Variants in SLC4A4 observed in about 807,000 individuals in gnomAD.
The protein encoded by SLC4A4 is solute carrier family 4 member 4.
SLC4A4 carries 27 observed loss-of-function variants against 111.5 expected under a neutral mutation model. The observed-to-expected ratio is 0.24, with a 90% CI of 0.18 to 0.33. SLC4A4 has a LOEUF of 0.33. SLC4A4 is among the 10% of genes least tolerant of loss of function. The pLI, the probability that SLC4A4 is intolerant of heterozygous loss-of-function variation, is 1.00. For synonymous variants in SLC4A4, 443 were observed against 463.4 expected, an observed-to-expected ratio of 0.96 and a Z score of 0.57; for missense variants, 909 against 1,315.5, an observed-to-expected ratio of 0.69 and a Z score of 4.78.
intron 2 of SLC4A4, among the ~76,000 whole-genome samples, chr4:71,142,089 G>T (rs1406064999): frequency 6.6e-6 from 1 of 152,152 alleles, no homozygotes. Flanking sequence ...ATAGAGACAG[G>T]TTTAATCAAA....
intron 5 of SLC4A4, 98 bp from the exon 6 acceptor site, chr4:71,356,910 C>A: frequency 1.9e-6 from 2 of 1,068,582 alleles, no homozygotes; most frequent in Non-Finnish European, 1.4e-6. Flanking sequence ...CAATATCTTG[C>A]TATTAAATTT....
At chr4:71,348,269 T>C (rs967049099) in intron 4 of SLC4A4, among the ~76,000 whole-genome samples, 2 of 151,692 alleles carry the variant, frequency 1.3e-5, no homozygotes, top group African/African-American at 4.8e-5. Flanking sequence ...TTCCTTTTAT[T>C]TCTGTGGTCT....
intron 2 of SLC4A4, among the ~76,000 whole-genome samples, chr4:71,238,138 T>C (rs1266944161): frequency 6.6e-6 from 1 of 152,204 alleles, no homozygotes; most frequent in East Asian, 1.9e-4. Flanking sequence ...CCTATAGTTT[T>C]AAGACAATTG....
At chr4:71,533,266 G>A (rs565917615) in intron 17 of SLC4A4, among the ~76,000 whole-genome samples, 65 of 152,194 alleles carry the variant, frequency 4.3e-4, no homozygotes, top group South Asian at 3.3e-3. Flanking sequence ...TGAATATTGA[G>A]TCAGGCTCTA....
intron 18 of SLC4A4, among the ~76,000 whole-genome samples, chr4:71,543,030 T>A (rs1735202837): frequency 1.3e-5 from 2 of 152,106 alleles, no homozygotes; most frequent in South Asian, 4.1e-4. Flanking sequence ...GAGGCACAAT[T>A]CACATAATTA....
chr4:71,132,692 T>C (rs1035097565), intron 2 of SLC4A4, among the ~76,000 whole-genome samples: 2 of 152,186 alleles, frequency 1.3e-5, no homozygotes, highest in African/African-American at 4.8e-5. Context: ...CATAGTAAGA[T>C]GAAGAAAAAA....
chr4:71,190,685 T>C (rs1745692951), intron 1 of SLC4A4, among the ~76,000 whole-genome samples: 1 of 152,098 alleles, frequency 6.6e-6, no homozygotes, highest in Admixed American at 6.5e-5. Flanking sequence ...GCCCATAAAA[T>C]TGCTATTAAA....
intron 3 of SLC4A4, among the ~76,000 whole-genome samples, chr4:71,280,093 CA>C: frequency 6.6e-6 from 1 of 152,268 alleles, no homozygotes; most frequent in East Asian, 1.9e-4. Context: ...CCTGCCCGGC[CA>C]ATCTTTTGTC....
chr4:71,239,664 G>A (rs575865193), intron 2 of SLC4A4, among the ~76,000 whole-genome samples: 1 of 152,218 alleles, frequency 6.6e-6, no homozygotes, highest in East Asian at 1.9e-4. Context: ...TATCTATGTG[G>A]CATATATTTA....
chr4:71,425,504 T>G (rs765896536), intron 7 of SLC4A4, among the ~76,000 whole-genome samples: 2 of 152,118 alleles, frequency 1.3e-5, no homozygotes, highest in Non-Finnish European at 2.9e-5. Context: ...CTCAATCAAT[T>G]TATAAGTTTA....
chr4:71,136,191 G>A (rs768638244), intron 2 of SLC4A4, among the ~76,000 whole-genome samples: 6 of 152,098 alleles, frequency 3.9e-5, no homozygotes, highest in Non-Finnish European at 5.9e-5. Flanking sequence ...CTTATCTCAG[G>A]GCCTTTAGCT....
At chr4:71,532,217 T>C (rs932151317) in intron 17 of SLC4A4, 42 bp downstream of exon 17, 3 of 1,077,682 alleles carry the variant, frequency 2.8e-6, no homozygotes, top group Non-Finnish European at 4.3e-6. Context: ...GGAACTCTTT[T>C]TCTTTCTTTC....
intron 2 of SLC4A4, among the ~76,000 whole-genome samples, chr4:71,244,329 G>A (rs1720473112): frequency 6.6e-6 from 1 of 152,166 alleles, no homozygotes; most frequent in Non-Finnish European, 1.5e-5. Context: ...TCATTGTCAT[G>A]TGGTTATGGT....
intron 13 of SLC4A4, among the ~76,000 whole-genome samples, chr4:71,468,127 A>T (rs749479693): frequency 2.6e-5 from 4 of 152,056 alleles, no homozygotes; most frequent in African/African-American, 4.8e-5. Context: ...AGTGTTGTGA[A>T]TTTTCTGTAG....
intron 14 of SLC4A4, among the ~76,000 whole-genome samples, chr4:71,478,634 G>A (rs1728590058): frequency 6.6e-6 from 1 of 151,778 alleles, no homozygotes; most frequent in Non-Finnish European, 1.5e-5. Context: ...GGGAGGGAGA[G>A]CATTAGGAGA....
chr4:71,289,357 T>A (rs929123277), intron 3 of SLC4A4, among the ~76,000 whole-genome samples: 2 of 152,222 alleles, frequency 1.3e-5, no homozygotes, highest in Non-Finnish European at 2.9e-5. Context: ...TATGACATTG[T>A]CCAGCCATAA....
At chr4:71,420,207 A>G (rs1722302607) in intron 7 of SLC4A4, among the ~76,000 whole-genome samples, 1 of 152,260 alleles carries the variant, frequency 6.6e-6, no homozygotes, top group East Asian at 1.9e-4. Context: ...CTCAGGAGCC[A>G]ATGCAATCAA....
chr4:71,314,526 A>C (rs1460341656), intron 3 of SLC4A4, among the ~76,000 whole-genome samples: 1 of 152,220 alleles, frequency 6.6e-6, no homozygotes, highest in Non-Finnish European at 1.5e-5. Flanking sequence ...CCAAATGACC[A>C]TCAGTGATTG....
intron 7 of SLC4A4, among the ~76,000 whole-genome samples, chr4:71,409,612 T>C (rs1312462391): frequency 6.6e-6 from 1 of 152,294 alleles, no homozygotes; most frequent in East Asian, 1.9e-4. Context: ...AAACAGAGCA[T>C]AAAAGTTCCG....
Sources: gnomAD v4.1 joint callset for allele counts (sites outside exome capture counted in the v4.1 genomes callset) on GRCh38, gnomAD v4.1.1 for gene constraint, MANE v1.5 for transcripts, NCBI Gene and HGNC (gene_info 2026-07-23, HGNC 2026-07-21) for gene names.